The following ESRRB variants were observed in gnomAD, a reference collection of about 807,000 sequenced individuals.
The protein encoded by ESRRB is estrogen related receptor beta.
A neutral mutation model predicts 46.0 loss-of-function variants in ESRRB; 16 were observed. That is an observed-to-expected ratio of 0.35 (90% CI 0.24 to 0.53). The LOEUF (loss-of-function observed/expected upper bound fraction) is 0.53, where lower values mean the gene tolerates loss of function less well. ESRRB is among the 20% of genes least tolerant of loss of function. The pLI is 0.93. For synonymous variants in ESRRB, 246 were observed against 259.6 expected (o/e 0.95, Z 0.50); for missense variants, 488 against 607.4 (o/e 0.80, Z 2.07).
chr14:76,388,279 C>T (rs1385051843), intron 1 of ESRRB, among the ~76,000 whole-genome samples: 3 of 150,606 alleles, frequency 2.0e-5, no homozygotes, highest in East Asian at 2.0e-4. Context: ...CCCAGGTTCA[C>T]GCCGTTCTCC....
intron 2 of ESRRB, among the ~76,000 whole-genome samples, chr14:76,461,401 C>T (rs554967337): frequency 6.6e-6 from 1 of 151,320 alleles, no homozygotes; most frequent in Non-Finnish European, 1.5e-5. Flanking sequence ...CTGCTGGACA[C>T]TGGGGAGCAG....
intron 1 of ESRRB, among the ~76,000 whole-genome samples, chr14:76,409,796 G>T (rs1042158672): frequency 5.9e-5 from 9 of 152,124 alleles, no homozygotes; most frequent in Admixed American, 2.6e-4. Flanking sequence ...GGGGATGGGA[G>T]ATGGTGGGAA....
chr14:76,363,830 C>T (rs982887927), intron 1 of ESRRB, among the ~76,000 whole-genome samples: 2 of 152,172 alleles, frequency 1.3e-5, no homozygotes, highest in African/African-American at 2.4e-5. Flanking sequence ...GTTGAAGTAA[C>T]GTAGTAGAAT....
At chr14:76,395,723 G>A (rs552413569) in intron 1 of ESRRB, among the ~76,000 whole-genome samples, 1 of 151,892 alleles carries the variant, frequency 6.6e-6, no homozygotes, top group Admixed American at 6.6e-5. Context: ...TGTAAACACG[G>A]CTATGACCAT....
intron 1 of ESRRB, among the ~76,000 whole-genome samples, chr14:76,437,452 A>AG (rs1887722014): frequency 6.6e-6 from 1 of 152,046 alleles, no homozygotes; most frequent in Non-Finnish European, 1.5e-5. Context: ...TGCAAGATGC[A>AG]AGTGGGCTCT....
intron 2 of ESRRB, among the ~76,000 whole-genome samples, chr14:76,440,547 A>ACCTTCCTTCCTTCCTTCCTT (rs112136509): frequency 6.6e-6 from 1 of 150,990 alleles, no homozygotes. Flanking sequence ...TTTAAGACCG[A>ACCTTCCTTCCTTCCTTCCTT]CCTTCCTTCA....
intron 1 of ESRRB, among the ~76,000 whole-genome samples, chr14:76,438,859 G>A (rs1423164520): frequency 1.3e-5 from 2 of 151,960 alleles, no homozygotes; most frequent in Non-Finnish European, 2.9e-5. Context: ...GGAACGTAGG[G>A]GTGCGATCAT....
At chr14:76,384,030 G>A (rs994315876) in intron 1 of ESRRB, among the ~76,000 whole-genome samples, 2 of 152,102 alleles carry the variant, frequency 1.3e-5, no homozygotes, top group Admixed American at 6.5e-5. Flanking sequence ...CCTAGTTTGG[G>A]ATCTTGGTGA....
At chr14:76,397,683 T>C (rs1446694344) in intron 1 of ESRRB, among the ~76,000 whole-genome samples, 1 of 152,104 alleles carries the variant, frequency 6.6e-6, no homozygotes, top group East Asian at 1.9e-4. Flanking sequence ...GGCAGGAGGA[T>C]TGTTTGAGAC....
chr14:76,350,162 C>G (rs1884296957), intron 1 of ESRRB, among the ~76,000 whole-genome samples: 1 of 152,108 alleles, frequency 6.6e-6, no homozygotes, highest in Non-Finnish European at 1.5e-5. Flanking sequence ...CTACATGGAG[C>G]AACTGCCCTG....
intron 1 of ESRRB, among the ~76,000 whole-genome samples, chr14:76,360,419 C>CAGAGAGAGACAG (rs1438498615): frequency 6.6e-6 from 1 of 151,704 alleles, no homozygotes; most frequent in African/African-American, 2.4e-5. Flanking sequence ...GAGAGAGAGA[C>CAGAGAGAGACAG]AGAGAGAGAC....
At chr14:76,497,639 T>C (rs1003448433) in intron 6 of ESRRB, among the ~76,000 whole-genome samples, 2 of 152,198 alleles carry the variant, frequency 1.3e-5, no homozygotes, top group Non-Finnish European at 2.9e-5. Context: ...TTCTGTGTCC[T>C]ATAACCAGAA....
intron 2 of ESRRB, among the ~76,000 whole-genome samples, chr14:76,448,562 C>G (rs1888252174): frequency 6.6e-6 from 1 of 151,694 alleles, no homozygotes; most frequent in South Asian, 2.1e-4. Context: ...TCTCGAACTC[C>G]TGGTCTCAAA....
intron 1 of ESRRB, among the ~76,000 whole-genome samples, chr14:76,342,926 G>A (rs1372771292): frequency 1.3e-5 from 2 of 152,158 alleles, no homozygotes; most frequent in African/African-American, 4.8e-5. Flanking sequence ...GGCAGGGATC[G>A]AGTAAGCAAA....
At chr14:76,477,639 G>C (rs896020884) in intron 3 of ESRRB, among the ~76,000 whole-genome samples, 1 of 152,222 alleles carries the variant, frequency 6.6e-6, no homozygotes, top group African/African-American at 2.4e-5. Flanking sequence ...GTGATTGTGG[G>C]CTGTGCTTAG....
chr14:76,491,404 C>T (rs557439206), intron 5 of ESRRB, 43 bp from the exon 6 acceptor site: 3 of 1,601,276 alleles, frequency 1.9e-6, no homozygotes, highest in Admixed American at 1.7e-5. Context: ...CCTGGTCCGC[C>T]CTCCTGACCT....
chr14:76,497,546 G>A (rs1442746381), intron 6 of ESRRB, among the ~76,000 whole-genome samples: 1 of 152,172 alleles, frequency 6.6e-6, no homozygotes, highest in African/African-American at 2.4e-5. Context: ...CAAGATTTTA[G>A]AGAACTCCCT....
chr14:76,467,193 G>A lies in ESRRB; in HGVS notation c.577+4532G>A, dbSNP rs139744446. ...TTTGCAATGTCAGCTCCCTTGATGCGTTAAAATACTCCAGTGTTGGATTCA... is the reference window on the plus strand; with the variant it reads ...TTTGCAATGTCAGCTCCCTTGATGCATTAAAATACTCCAGTGTTGGATTCA... On this transcript the variant is annotated intron_variant, in intron 3 of 6. Transcript: ENST00000644823. Among the ~76,000 whole-genome samples, 206 of 151,444 alleles carry A rather than the reference G, an allele frequency of 1.4e-3. 3 individuals carry two copies. In the Middle Eastern group the frequency reaches 0.031, roughly 23 times the overall value.
intron 6 of ESRRB, among the ~76,000 whole-genome samples, chr14:76,492,865 A>G (rs1340747137): frequency 6.6e-6 from 1 of 152,210 alleles, no homozygotes; most frequent in African/African-American, 2.4e-5. Flanking sequence ...TGTAACCAAC[A>G]TCCACACTTA....
Sources: gnomAD v4.1 joint callset for allele counts (sites outside exome capture counted in the v4.1 genomes callset) on GRCh38, gnomAD v4.1.1 for gene constraint, MANE v1.5 for transcripts, NCBI Gene and HGNC (gene_info 2026-07-23, HGNC 2026-07-21) for gene names.